Variants in IFT43 observed in about 807,000 individuals in gnomAD.
The protein encoded by IFT43 is intraflagellar transport 43, also known as intraflagellar transport protein 43 homolog.
In IFT43, 33 loss-of-function variants were observed where a neutral mutation model predicts 32.3. The ratio of observed to expected loss-of-function variants is 1.02; its 90% CI spans 0.77 to 1.37. IFT43 has a LOEUF of 1.37. Among genes scored for constraint, IFT43 ranks in the 40% most tolerant of loss-of-function variants. The pLI is 0.00. For missense variants in IFT43, 274 were observed against 265.9 expected (o/e 1.03, Z -0.21); for synonymous variants, 93 against 98.2 (o/e 0.95, Z 0.31).
chr14:76,078,159 G>A lies in IFT43; in HGVS notation c.296-4136G>A, dbSNP rs141097773. 4.5e-3 allele frequency among the ~76,000 whole-genome samples: 678 copies of A among 152,314 alleles called. 2 individuals are homozygous for A. Among genetic ancestry groups the A allele is most frequent in the African/African-American group, 0.016 (648 of 41,562 alleles). On this transcript the variant is annotated intron_variant, in intron 5 of 8. Transcript: ENST00000314067. ...AAAGGACATATGTGCTGTGTTATTT[G>A]CGAATTCTTTTCAGCAAATAAATAT...
At chr14:76,028,479 ATT>A (rs1300876919) in intron 3 of IFT43, among the ~76,000 whole-genome samples, 5 of 151,980 alleles carry the variant, frequency 3.3e-5, no homozygotes, top group Non-Finnish European at 7.4e-5. Context: ...AATCTGTTTT[ATT>A]TTAGATTCAG....
At chr14:76,081,321 T>C (rs1594870351) in intron 5 of IFT43, among the ~76,000 whole-genome samples, 1 of 152,272 alleles carries the variant, frequency 6.6e-6, no homozygotes, top group East Asian at 1.9e-4. Flanking sequence ...TTTCTCCTTC[T>C]TTCCGTGTTT....
chr14:76,035,969 A>G (rs934510164), intron 3 of IFT43, among the ~76,000 whole-genome samples: 3 of 152,242 alleles, frequency 2.0e-5, no homozygotes, highest in African/African-American at 7.2e-5. Flanking sequence ...AAGGGCACAC[A>G]GTTATTTAGT....
At chr14:76,019,369 C>CATAGCT (rs1009958233) in intron 2 of IFT43, among the ~76,000 whole-genome samples, 4 of 150,598 alleles carry the variant, frequency 2.7e-5, no homozygotes, top group African/African-American at 9.7e-5. Context: ...GTATAGTAAT[C>CATAGCT]ATAGCTGCCT....
intron 2 of IFT43, among the ~76,000 whole-genome samples, chr14:76,020,861 G>A (rs1212349496): frequency 6.6e-6 from 1 of 152,156 alleles, no homozygotes; most frequent in East Asian, 1.9e-4. Context: ...TTGCTCAGGT[G>A]CCGGGGGTGG....
chr14:76,055,510 TAAAAG>T (rs957311822), intron 3 of IFT43, among the ~76,000 whole-genome samples: 5 of 152,230 alleles, frequency 3.3e-5, no homozygotes, highest in Admixed American at 1.3e-4. Context: ...AGAAAAATTT[TAAAAG>T]GAAAGGAAAG....
intron 5 of IFT43, among the ~76,000 whole-genome samples, chr14:76,067,611 G>A (rs2037248092): frequency 6.6e-6 from 1 of 151,616 alleles, no homozygotes; most frequent in South Asian, 2.1e-4. Flanking sequence ...GCGCTTTGAA[G>A]ATTAAGTGTG....
chr14:76,027,428 T>TA (rs2036422009), intron 3 of IFT43, among the ~76,000 whole-genome samples: 2 of 151,518 alleles, frequency 1.3e-5, no homozygotes, highest in Non-Finnish European at 2.9e-5. Flanking sequence ...CTCTCAAGAT[T>TA]AATGACATTC....
intron 3 of IFT43, among the ~76,000 whole-genome samples, chr14:76,032,101 C>T (rs115840787): frequency 0.013 from 1,936 of 152,244 alleles, 49 homozygotes; most frequent in African/African-American, 0.044. Context: ...ATCCCTAGAT[C>T]TCGGTAAGTG....
chr14:76,062,917 CAAAAAAAAAAAA>C (rs746158153), intron 5 of IFT43, among the ~76,000 whole-genome samples: 2 of 72,476 alleles, frequency 2.8e-5, no homozygotes, highest in South Asian at 5.7e-4. Context: ...GATCCCATCT[CAAAAAAAAAAAA>C]AAAAAAAAAA....
At chr14:76,044,503 T>C (rs1403800959) in intron 3 of IFT43, among the ~76,000 whole-genome samples, 1 of 152,152 alleles carries the variant, frequency 6.6e-6, no homozygotes. Context: ...AACCTAGTCG[T>C]TTTGGGTGTT....
Position 75,988,956 on chromosome 14 carries a change from C to A in IFT43, c.126C>A (p.Ser42=). 6.2e-7 allele frequency: 1 copy of A among 1,613,928 alleles called. No individual in the cohort carries two copies. Among genetic ancestry groups the A allele is most frequent in the Non-Finnish European group, 8.5e-7 (1 of 1,180,008 alleles). ...AGAATCACCTCAATGGCAAGAATTC[C>A]TCTTTGACTCTGACTGGAGAGGTGG... The part of the protein sequence containing the change: ...QAENHLNGKN[S]SLTLTGETSS... Residue 42 remains serine (S), a synonymous_variant, in exon 2 of 9, where the codon TCC becomes TCA. Transcript: ENST00000314067.
At chr14:76,033,757 C>T (rs996118441) in intron 3 of IFT43, among the ~76,000 whole-genome samples, 5 of 152,080 alleles carry the variant, frequency 3.3e-5, no homozygotes, top group East Asian at 3.9e-4. Context: ...CTTCCTGTCC[C>T]GCAAGAGCTC....
At chr14:76,052,464 T>C (rs1226893691) in intron 3 of IFT43, among the ~76,000 whole-genome samples, 5 of 152,076 alleles carry the variant, frequency 3.3e-5, no homozygotes, top group Non-Finnish European at 7.4e-5. Flanking sequence ...TTGGGGGTCA[T>C]AACTACCTGC....
chr14:76,039,700 A>C (rs985048358), intron 3 of IFT43, among the ~76,000 whole-genome samples: 1 of 152,220 alleles, frequency 6.6e-6, no homozygotes, highest in Admixed American at 6.5e-5. Context: ...TTCAAAAGAT[A>C]TGAAAGAGTG....
At chr14:76,059,230 A>T (rs2037084114) in intron 4 of IFT43, 97 bp from the exon 5 acceptor site, 7 of 1,609,288 alleles carry the variant, frequency 4.3e-6, no homozygotes, top group Non-Finnish European at 5.9e-6. Context: ...GGACATTTTC[A>T]TCTAGGAGAA....
chr14:76,082,813 C>T, intron 7 of IFT43, 121 bp downstream of exon 7: 1 of 798,882 alleles, frequency 1.3e-6, no homozygotes, highest in Middle Eastern at 2.2e-4. Context: ...GGCTGCCTGC[C>T]TGGCACCCAT....
At chr14:76,069,642 C>T (rs560340007) in intron 5 of IFT43, among the ~76,000 whole-genome samples, 1 of 152,346 alleles carries the variant, frequency 6.6e-6, no homozygotes, top group South Asian at 2.1e-4. Flanking sequence ...TAGATATGGA[C>T]TCAACTTTCA....
chr14:76,074,058 T>A (rs892296016), intron 5 of IFT43, among the ~76,000 whole-genome samples: 26 of 152,284 alleles, frequency 1.7e-4, no homozygotes, highest in African/African-American at 3.6e-4. Context: ...AGCATTTTTT[T>A]AATAAATATA....
Sources: allele counts gnomAD v4.1 joint callset (sites outside exome capture counted in the v4.1 genomes callset), GRCh38; gene constraint gnomAD v4.1.1; transcripts MANE v1.5; gene names NCBI Gene and HGNC (gene_info 2026-07-23, HGNC 2026-07-21).